RASEF: variants seen among roughly 807,000 people sequenced by gnomAD.
RASEF encodes RAS and EF-hand domain containing, also known as ras and EF-hand domain-containing protein.
A neutral mutation model predicts 90.1 loss-of-function variants in RASEF; 68 were observed. The ratio of observed to expected loss-of-function variants is 0.75; its 90% CI spans 0.62 to 0.92. RASEF has a LOEUF of 0.92. Ranked by LOEUF, RASEF falls within the 40% of genes least tolerant of loss-of-function variation. The pLI is 0.00. For synonymous variants in RASEF, 331 were observed against 345.2 expected (o/e 0.96, Z 0.46); for missense variants, 949 against 937.2 (o/e 1.01, Z -0.16).
the RASEF span, among the ~76,000 whole-genome samples, chr9:83,216,307 C>T: frequency 4.6e-5 from 7 of 152,120 alleles, no homozygotes; most frequent in African/African-American, 1.7e-4. Context: ...CATCACAGGC[C>T]CAGAGACCTA....
At chr9:83,141,574 A>C in the RASEF span, among the ~76,000 whole-genome samples, 1 of 152,170 alleles carries the variant, frequency 6.6e-6, no homozygotes, top group African/African-American at 2.4e-5. Context: ...TTCAAGTAAA[A>C]ACTATGGGAG....
chr9:83,176,554 A>G, the RASEF span, among the ~76,000 whole-genome samples: 1 of 151,970 alleles, frequency 6.6e-6, no homozygotes, highest in East Asian at 1.9e-4. Flanking sequence ...CATTAAGTGA[A>G]TATTTATTTT....
chr9:83,177,212 A>G, the RASEF span, among the ~76,000 whole-genome samples: 2 of 152,042 alleles, frequency 1.3e-5, no homozygotes, highest in Non-Finnish European at 2.9e-5. Context: ...AGTGTTCTTT[A>G]TTTGTGCATG....
chr9:83,006,507 T>TG (rs1829134439), intron 7 of RASEF, among the ~76,000 whole-genome samples: 1 of 147,354 alleles, frequency 6.8e-6, no homozygotes, highest in Non-Finnish European at 1.5e-5. Context: ...TCAAAAATGG[T>TG]GAAAAAAAAA....
chr9:82,984,245 G>A (rs187414829), intron 16 of RASEF, among the ~76,000 whole-genome samples: 1 of 151,988 alleles, frequency 6.6e-6, no homozygotes, highest in Admixed American at 6.6e-5. Context: ...TGTCATTTCG[G>A]CATGTGGTCA....
chr9:83,030,191 T>C (rs1408785922), intron 1 of RASEF, among the ~76,000 whole-genome samples: 1 of 152,010 alleles, frequency 6.6e-6, no homozygotes, highest in Non-Finnish European at 1.5e-5. Context: ...ACCCTATCTC[T>C]ACTAAAAATA....
At chr9:83,177,697 G>T in the RASEF span, among the ~76,000 whole-genome samples, 5 of 151,654 alleles carry the variant, frequency 3.3e-5, no homozygotes, top group Admixed American at 1.3e-4. Context: ...TTGGCTTTCA[G>T]CAATTTTACT....
chr9:83,113,706 T>C, the RASEF span, among the ~76,000 whole-genome samples: 1 of 152,162 alleles, frequency 6.6e-6, no homozygotes, highest in Admixed American at 6.5e-5. Context: ...TCTCCTGCAG[T>C]AGCCTCAGGC....
intron 6 of RASEF, among the ~76,000 whole-genome samples, chr9:83,009,121 C>G (rs1440019660): frequency 6.6e-6 from 1 of 151,338 alleles, no homozygotes; most frequent in East Asian, 1.9e-4. Context: ...TGTACATGTC[C>G]TAGGGGATAC....
At chr9:83,044,847 C>T (rs1829900778) in intron 1 of RASEF, among the ~76,000 whole-genome samples, 1 of 152,122 alleles carries the variant, frequency 6.6e-6, no homozygotes, top group African/African-American at 2.4e-5. Context: ...CAGTAGACTT[C>T]GAGTAAAGCA....
the RASEF span, among the ~76,000 whole-genome samples, chr9:83,145,526 A>G: frequency 3.9e-5 from 6 of 152,062 alleles, no homozygotes; most frequent in Non-Finnish European, 8.8e-5. Flanking sequence ...AGCTATGTAG[A>G]TTCTCTATCA....
At chr9:83,161,661 G>A in the RASEF span, among the ~76,000 whole-genome samples, 1 of 132,490 alleles carries the variant, frequency 7.5e-6, no homozygotes, top group African/African-American at 3.0e-5. Context: ...GAAATGTGAG[G>A]ACATGAGATT....
the RASEF span, among the ~76,000 whole-genome samples, chr9:83,150,145 A>C: frequency 6.6e-6 from 1 of 152,232 alleles, no homozygotes; most frequent in African/African-American, 2.4e-5. Context: ...TATAAAGGAC[A>C]TAGCTCGGGA....
the RASEF span, among the ~76,000 whole-genome samples, chr9:83,192,726 AAT>A: frequency 6.6e-6 from 1 of 151,964 alleles, no homozygotes; most frequent in African/African-American, 2.4e-5. Flanking sequence ...AAAAAAAAAA[AAT>A]TCCATTAAAA....
intron 1 of RASEF, among the ~76,000 whole-genome samples, chr9:83,027,193 G>A (rs1438903037): frequency 6.6e-6 from 1 of 152,154 alleles, no homozygotes; most frequent in Non-Finnish European, 1.5e-5. Context: ...CAGCTCCTCA[G>A]TATGTTCATC....
the RASEF span, among the ~76,000 whole-genome samples, chr9:83,175,467 T>C: frequency 2.6e-5 from 4 of 152,188 alleles, no homozygotes; most frequent in Non-Finnish European, 5.9e-5. Context: ...CTAGTAGTAG[T>C]AGTGTATAAT....
the RASEF span, among the ~76,000 whole-genome samples, chr9:83,138,407 A>G: frequency 6.6e-6 from 1 of 152,222 alleles, no homozygotes; most frequent in Admixed American, 6.6e-5. Context: ...CAAGCAGACA[A>G]GAGGATAAAA....
intron 1 of RASEF, among the ~76,000 whole-genome samples, chr9:83,033,446 C>T (rs1192373930): frequency 6.6e-6 from 1 of 152,036 alleles, no homozygotes; most frequent in Non-Finnish European, 1.5e-5. Context: ...AAAGGGGGTG[C>T]AATAGGGGGT....
the RASEF span, among the ~76,000 whole-genome samples, chr9:83,070,631 A>G: frequency 6.6e-6 from 1 of 152,180 alleles, no homozygotes; most frequent in Non-Finnish European, 1.5e-5. Context: ...AGGTATTACC[A>G]TAGAAATTTT....
Sources: gnomAD v4.1 joint callset for allele counts (sites outside exome capture counted in the v4.1 genomes callset) on GRCh38, gnomAD v4.1.1 for gene constraint, MANE v1.5 for transcripts, NCBI Gene and HGNC (gene_info 2026-07-23, HGNC 2026-07-21) for gene names.